Variants in BMPR2 observed in about 807,000 individuals in gnomAD.
BMPR2 encodes bone morphogenetic protein receptor type-2.
A neutral mutation model predicts 100.8 loss-of-function variants in BMPR2; 29 were observed. The ratio of observed to expected loss-of-function variants is 0.29; its 90% CI spans 0.21 to 0.39. The LOEUF (loss-of-function observed/expected upper bound fraction) is 0.39. Ranked by LOEUF, BMPR2 falls within the 10% of genes least tolerant of loss-of-function variation. BMPR2 has a pLI of 1.00. For missense variants in BMPR2, 1,011 were observed against 1,274.5 expected, an observed-to-expected ratio of 0.79 and a Z score of 3.15; for synonymous variants, 382 against 442.3, an observed-to-expected ratio of 0.86 and a Z score of 1.71.
At chr2:202,401,036 G>A (rs1051525352) in intron 1 of BMPR2, among the ~76,000 whole-genome samples, 2 of 152,168 alleles carry the variant, frequency 1.3e-5, no homozygotes, top group African/African-American at 4.8e-5. Context: ...AATTGTGAAA[G>A]GGCATAAAAT....
intron 3 of BMPR2, among the ~76,000 whole-genome samples, chr2:202,497,328 A>G (rs1040975501): frequency 6.6e-6 from 1 of 152,220 alleles, no homozygotes; most frequent in African/African-American, 2.4e-5. Context: ...AGCAGTGAGT[A>G]CCATCGGACC....
intron 9 of BMPR2, among the ~76,000 whole-genome samples, chr2:202,536,887 A>G (rs1688171155): frequency 6.6e-6 from 1 of 151,614 alleles, no homozygotes; most frequent in Non-Finnish European, 1.5e-5. Context: ...AAAAAAAAAA[A>G]AAAGAAGTAC....
intron 3 of BMPR2, among the ~76,000 whole-genome samples, chr2:202,508,837 C>T (rs1687574590): frequency 1.3e-5 from 2 of 152,148 alleles, no homozygotes; most frequent in South Asian, 2.1e-4. Context: ...TTAAAATTTT[C>T]AGTGTCGTGT....
chr2:202,519,307 G>A (rs1475264024), intron 6 of BMPR2, among the ~76,000 whole-genome samples: 1 of 152,184 alleles, frequency 6.6e-6, no homozygotes, highest in Non-Finnish European at 1.5e-5. Flanking sequence ...AGGTTGCAGG[G>A]AGCCGAGATT....
Position 202,460,584 on chromosome 2 carries a change from T to C in BMPR2, c.77-4225T>C, listed in dbSNP as rs1163773942. The stretch of plus-strand genomic sequence containing the variant: ...AAAGAACAGACATTGTAGTACAAAA[T>C]TGAATAAGAGGATTGGAAGAACACC... On this transcript the variant is annotated intron_variant, in intron 1 of 12. Transcript: ENST00000374580. Among the ~76,000 whole-genome samples, 57 of 151,994 alleles carry C rather than the reference T, an allele frequency of 3.8e-4. 1 individual carries two copies. The highest frequency in any genetic ancestry group is 3.7e-3 in the Admixed American group (56 of 15,246).
At position 202,477,366 on chromosome 2, in the gene BMPR2, A is replaced by G. The variant is rs1692569553; in HGVS notation, c.418+9677A>G. ...TTTTATTTATTATGTATGAAAGCCT[A>G]TATTCTGTGATTTTTTTTTTAATTT... is the stretch of plus-strand genomic sequence containing the variant. On this transcript the variant is annotated intron_variant, in intron 3 of 12. Transcript: ENST00000374580. Among the ~76,000 whole-genome samples, 4 of 151,914 alleles carry G rather than the reference A, an allele frequency of 2.6e-5. No homozygotes were observed. In the South Asian group the frequency reaches 8.3e-4, roughly 32 times the overall value.
chr2:202,518,705 A>G, intron 5 of BMPR2, 117 bp from the exon 6 acceptor site: 1 of 891,654 alleles, frequency 1.1e-6, no homozygotes, highest in Admixed American at 2.0e-5. Context: ...TGATAATGGA[A>G]TAAACTGTAA....
intron 1 of BMPR2, among the ~76,000 whole-genome samples, chr2:202,447,364 G>C (rs1691871856): frequency 6.6e-6 from 1 of 150,484 alleles, no homozygotes; most frequent in Non-Finnish European, 1.5e-5. Context: ...TTGGGGTATA[G>C]TATGATTTTG....
chr2:202,420,548 T>A (rs1399494032), intron 1 of BMPR2, among the ~76,000 whole-genome samples: 6 of 137,370 alleles, frequency 4.4e-5, no homozygotes, highest in Non-Finnish European at 7.8e-5. Context: ...TTTTTTTTTT[T>A]TTTTTTTTTT....
intron 3 of BMPR2, chr2:202,505,363 A>G (rs1297713438): frequency 3.1e-5 from 3 of 97,412 alleles, no homozygotes; most frequent in Non-Finnish European, 6.2e-5. Flanking sequence ...TTTTTTTTTT[A>G]ATAAATTTTG....
chr2:202,480,421 G>T (rs879296259), intron 3 of BMPR2, among the ~76,000 whole-genome samples: 1 of 151,840 alleles, frequency 6.6e-6, no homozygotes, highest in Non-Finnish European at 1.5e-5. Context: ...GAGCCACCAC[G>T]CCCAACCTGA....
intron 1 of BMPR2, among the ~76,000 whole-genome samples, chr2:202,378,289 C>G (rs547410134): frequency 5.3e-5 from 8 of 152,254 alleles, no homozygotes; most frequent in African/African-American, 1.9e-4. Context: ...ATTTTCATTT[C>G]AGTTCTCAGA....
chr2:202,534,210 CGTGTGT>C lies in BMPR2; in HGVS notation c.1276+1485_1276+1490del, dbSNP rs371342632. Reference sequence around the variant, plus strand: ...CACACACACACACATATATATGTATCGTGTGTGTGTGTATATATATATATAAATAAA... The same window carrying C: ...CACACACACACACATATATATGTATCGTGTGTATATATATATATAAATAAA... On this transcript the variant is annotated intron_variant, in intron 9 of 12. Transcript: ENST00000374580. Among the ~76,000 whole-genome samples the C allele has an allele frequency of 2.4e-3, 350 of 144,810 alleles. 1 individual carries two copies. Among genetic ancestry groups the C allele is most frequent in the African/African-American group, 7.9e-3 (313 of 39,446 alleles).
intron 3 of BMPR2, among the ~76,000 whole-genome samples, chr2:202,502,622 A>G (rs1687422305): frequency 6.6e-6 from 1 of 152,244 alleles, no homozygotes; most frequent in Non-Finnish European, 1.5e-5. Context: ...AGAAATAACA[A>G]AATCTATCCT....
chr2:202,557,510 C>G (rs1438759810), intron 12 of BMPR2, among the ~76,000 whole-genome samples: 1 of 134,662 alleles, frequency 7.4e-6, no homozygotes, highest in Admixed American at 7.6e-5. Flanking sequence ...CACACACACA[C>G]ACACAAATTA....
At chr2:202,386,007 T>G (rs1690419723) in intron 1 of BMPR2, among the ~76,000 whole-genome samples, 1 of 152,116 alleles carries the variant, frequency 6.6e-6, no homozygotes, top group Non-Finnish European at 1.5e-5. Context: ...TTCAAGTACT[T>G]TCTTCATTTG....
At chr2:202,421,703 A>G in intron 1 of BMPR2, among the ~76,000 whole-genome samples, 1 of 150,988 alleles carries the variant, frequency 6.6e-6, no homozygotes, top group Non-Finnish European at 1.5e-5. Flanking sequence ...TTAACTGTAG[A>G]CTAGAAGCTT....
At chr2:202,475,791 C>T (rs1692534155) in intron 3 of BMPR2, among the ~76,000 whole-genome samples, 1 of 152,110 alleles carries the variant, frequency 6.6e-6, no homozygotes, top group Non-Finnish European at 1.5e-5. Flanking sequence ...TAAGTCCCGG[C>T]CGGGTGCAGT....
At chr2:202,519,462 G>T (rs1247631353) in intron 6 of BMPR2, among the ~76,000 whole-genome samples, 2 of 152,176 alleles carry the variant, frequency 1.3e-5, no homozygotes, top group African/African-American at 4.8e-5. Context: ...CTCACAAACT[G>T]GATTATTAAT....
Sources: allele counts gnomAD v4.1 joint callset (sites outside exome capture counted in the v4.1 genomes callset), GRCh38; gene constraint gnomAD v4.1.1; transcripts MANE v1.5; gene names NCBI Gene and HGNC (gene_info 2026-07-23, HGNC 2026-07-21).